Variants in DMD observed in about 807,000 individuals in gnomAD.
DMD encodes dystrophin.
DMD carries 63 observed loss-of-function variants against 330.1 expected under a neutral mutation model. The ratio of observed to expected loss-of-function variants is 0.19; its 90% CI spans 0.16 to 0.24. The LOEUF is 0.24. Ranked by LOEUF, DMD falls within the 10% of genes least tolerant of loss-of-function variation. DMD has a pLI of 1.00. For missense variants in DMD, 3,344 were observed against 2,684.1 expected, an observed-to-expected ratio of 1.25 and a Z score of -5.43; for synonymous variants, 1,223 against 959.8, an observed-to-expected ratio of 1.27 and a Z score of -5.07.
At chrX:32,980,931 GGAA>G (rs947608191) in intron 2 of DMD, among the ~76,000 whole-genome samples, 1 of 111,480 alleles carries the variant, frequency 9.0e-6, no homozygotes, top group African/African-American at 3.3e-5. Context: ...AGCATTAAAT[GGAA>G]GAAGAAGCAT....
chrX:32,899,709 A>G (rs902282744), intron 2 of DMD, among the ~76,000 whole-genome samples: 1 of 110,860 alleles, frequency 9.0e-6, no homozygotes, highest in Non-Finnish European at 1.9e-5. Flanking sequence ...AGAAAAAGAA[A>G]GAAAGAAAAA....
chrX:32,828,448 G>GTA (rs1353846505), intron 4 of DMD, among the ~76,000 whole-genome samples: 2 of 102,989 alleles, frequency 1.9e-5, no homozygotes, highest in Admixed American at 1.0e-4. Flanking sequence ...CAGAGTGTGT[G>GTA]TATACACACA....
chrX:32,485,734 C>CTTTTTTTTTTTTTTTTTTTTT (rs5902034), intron 20 of DMD, among the ~76,000 whole-genome samples: 1 of 36,154 alleles, frequency 2.8e-5, no homozygotes, highest in African/African-American at 1.1e-4. Flanking sequence ...GCAACCACTG[C>CTTTTTTTTTTTTTTTTTTTTT]TTTTTTTTTT....
chrX:33,056,214 G>A (rs761013489), intron 1 of DMD, among the ~76,000 whole-genome samples: 13 of 110,651 alleles, frequency 1.2e-4, no homozygotes, highest in Non-Finnish European at 2.3e-4. Flanking sequence ...CCTGAAAATA[G>A]AAAGTCCCGC....
At chrX:32,998,600 T>C (rs893998275) in intron 2 of DMD, among the ~76,000 whole-genome samples, 1 of 104,548 alleles carries the variant, frequency 9.6e-6, no homozygotes, top group Non-Finnish European at 2.0e-5. Context: ...TCTCTACCTA[T>C]TTATATATAT....
At chrX:33,271,354 A>G (rs1343206272) in intron 1 of DMD, among the ~76,000 whole-genome samples, 1 of 111,739 alleles carries the variant, frequency 8.9e-6, no homozygotes, top group African/African-American at 3.2e-5. Context: ...AAACTAAAAA[A>G]AAAAAAGCAA....
chrX:31,399,888 A>G (rs1021395177), intron 60 of DMD, among the ~76,000 whole-genome samples: 1 of 111,724 alleles, frequency 9.0e-6, no homozygotes, highest in Non-Finnish European at 1.9e-5. Context: ...TATAAGAGTC[A>G]GCAAACAGAA....
intron 1 of DMD, among the ~76,000 whole-genome samples, chrX:33,299,866 G>A (rs901327488): frequency 5.4e-5 from 6 of 111,667 alleles, no homozygotes; most frequent in Admixed American, 9.6e-5. Flanking sequence ...TGATGTTTCC[G>A]ATGATCCTTT....
intron 21 of DMD, among the ~76,000 whole-genome samples, chrX:32,476,514 A>T (rs1454679334): frequency 9.0e-6 from 1 of 111,501 alleles, no homozygotes; most frequent in Non-Finnish European, 1.9e-5. Flanking sequence ...AAAAAAATAC[A>T]CACCTACTAA....
chrX:33,282,756 T>G (rs1268053561), intron 1 of DMD, among the ~76,000 whole-genome samples: 1 of 112,127 alleles, frequency 8.9e-6, no homozygotes, highest in East Asian at 2.8e-4. Context: ...CATCTGGTAT[T>G]GTCTGAGAGA....
intron 55 of DMD, among the ~76,000 whole-genome samples, chrX:31,513,483 G>T (rs1430047308): frequency 9.0e-6 from 1 of 110,945 alleles, no homozygotes; most frequent in Non-Finnish European, 1.9e-5. Context: ...TTGATATGGA[G>T]AATCAAGTGG....
At chrX:31,522,349 C>G (rs1382127281) in intron 55 of DMD, among the ~76,000 whole-genome samples, 8 of 66,001 alleles carry the variant, frequency 1.2e-4, no homozygotes, top group Non-Finnish European at 1.8e-4. Flanking sequence ...CTCTCTCTCT[C>G]TCTCTCTCTC....
At chrX:32,668,305 A>G (rs1338481149) in intron 9 of DMD, among the ~76,000 whole-genome samples, 1 of 112,499 alleles carries the variant, frequency 8.9e-6, no homozygotes, top group African/African-American at 3.2e-5. Flanking sequence ...ATACACTCAT[A>G]TGTCCCTATG....
rs192460314 is a variant in DMD, at chrX:31,460,323, C to T, written c.8938-15696G>A. 2.5e-4 allele frequency among the ~76,000 whole-genome samples: 28 copies of T among 111,367 alleles called. No homozygotes were observed. The East Asian group carries it at 7.6e-3, about 30-fold the overall frequency. ...TATACCCTCCCCCTGAACACAGAGC[C>T]TCAAGGGGTGGACAAAGTAAGTTAT... On this transcript the variant is annotated intron_variant, in intron 59 of 78. Transcript: ENST00000357033.
intron 1 of DMD, among the ~76,000 whole-genome samples, chrX:33,050,427 A>T (rs1394286722): frequency 8.9e-6 from 1 of 111,875 alleles, no homozygotes; most frequent in Non-Finnish European, 1.9e-5. Flanking sequence ...TTTTAAAAAA[A>T]GAAGCAAAAA....
chrX:33,302,079 A>C (rs2053673057), intron 1 of DMD, among the ~76,000 whole-genome samples: 1 of 111,896 alleles, frequency 8.9e-6, no homozygotes, highest in African/African-American at 3.2e-5. Context: ...TCATCTTACT[A>C]AATATTCTTG....
chrX:32,572,501 C>T (rs1461050522), intron 15 of DMD, among the ~76,000 whole-genome samples: 1 of 108,738 alleles, frequency 9.2e-6, no homozygotes, highest in Non-Finnish European at 1.9e-5. Flanking sequence ...ATCAGACCGG[C>T]CTCTTTTACT....
intron 43 of DMD, among the ~76,000 whole-genome samples, chrX:32,251,202 A>T (rs1261892706): frequency 3.6e-5 from 4 of 111,018 alleles, no homozygotes; most frequent in Non-Finnish European, 7.6e-5. Flanking sequence ...TAATTAAAAA[A>T]AAAAGTTCCT....
At chrX:31,269,051 T>C (rs775306061) in intron 62 of DMD, among the ~76,000 whole-genome samples, 1 of 111,980 alleles carries the variant, frequency 8.9e-6, no homozygotes, top group South Asian at 3.7e-4. Flanking sequence ...TCCTCAAAAA[T>C]ACATCTTTAA....
Sources: allele counts gnomAD v4.1 joint callset (sites outside exome capture counted in the v4.1 genomes callset), GRCh38; gene constraint gnomAD v4.1.1; transcripts MANE v1.5; gene names NCBI Gene and HGNC (gene_info 2026-07-23, HGNC 2026-07-21).